Variants in INPP5A observed in about 807,000 individuals in gnomAD.
INPP5A encodes the protein inositol polyphosphate-5-phosphatase A, also known as 43 kDa inositol polyphosphate 5-phophatase.
In INPP5A, 14 loss-of-function variants were observed where a neutral mutation model predicts 65.2. That is an observed-to-expected ratio of 0.21 (90% CI 0.14 to 0.34). INPP5A has a LOEUF of 0.34. Ranked by LOEUF, INPP5A falls within the 10% of genes least tolerant of loss-of-function variation. The pLI is 1.00. For missense variants in INPP5A, 431 were observed against 545.6 expected, an observed-to-expected ratio of 0.79 and a Z score of 2.09; for synonymous variants, 207 against 208.3, an observed-to-expected ratio of 0.99 and a Z score of 0.05.
At chr10:132,634,304 G>T (rs1168632553) in intron 2 of INPP5A, among the ~76,000 whole-genome samples, 1 of 150,958 alleles carries the variant, frequency 6.6e-6, no homozygotes, top group East Asian at 2.0e-4. Flanking sequence ...CCCTTGGTGG[G>T]TGTGCCCCGG....
chr10:132,687,603 A>T (rs1795911912), intron 4 of INPP5A, among the ~76,000 whole-genome samples: 1 of 152,050 alleles, frequency 6.6e-6, no homozygotes, highest in Admixed American at 6.5e-5. Flanking sequence ...CGTCCCCTAG[A>T]CAGAAGGTCC....
At chr10:132,601,917 GTTC>G (rs976041848) in intron 1 of INPP5A, among the ~76,000 whole-genome samples, 4 of 152,184 alleles carry the variant, frequency 2.6e-5, no homozygotes, top group Admixed American at 6.5e-5. Context: ...TTTCCAATTT[GTTC>G]TTCTTTTTTA....
chr10:132,686,369 A>G (rs2073113746), intron 4 of INPP5A, among the ~76,000 whole-genome samples: 1 of 152,226 alleles, frequency 6.6e-6, no homozygotes, highest in Admixed American at 6.5e-5. Flanking sequence ...CAATACGTAA[A>G]AAGTATTTTG....
In INPP5A at chr10:132,727,216, G is replaced by A. The variant is rs998708810; in HGVS notation, c.732+311G>A. On this transcript the variant is annotated intron_variant, in intron 9 of 15. Transcript: ENST00000368594. This position sits in a 1 kb window ranked among gnomAD's most constrained non-coding sequence, Gnocchi z 6.5. Reference sequence around the variant, plus strand: ...AGTGCCGTCACAGCGCCACCCCCTCGATGCCCACAGAGCTGCAGCCTCTGC... The same window carrying A: ...AGTGCCGTCACAGCGCCACCCCCTCAATGCCCACAGAGCTGCAGCCTCTGC... 3.7e-5 allele frequency: 10 copies of A among 273,360 alleles called. No homozygotes were observed. Among genetic ancestry groups the A allele is most frequent in the Non-Finnish European group, 5.6e-5 (8 of 143,974 alleles). 16.9% of individuals were successfully genotyped at this position (273,360 alleles called of 1,614,324 possible). A position where few individuals can be genotyped will look rare whatever the true frequency, so the allele number is the denominator to read the frequency against.
At chr10:132,728,421 G>A (rs1167040874) in intron 9 of INPP5A, among the ~76,000 whole-genome samples, 2 of 152,238 alleles carry the variant, frequency 1.3e-5, no homozygotes, top group African/African-American at 2.4e-5. Context: ...CCATGTCCCC[G>A]CGTCCGAGGC....
Position 132,707,669 on chromosome 10 carries a change from C to A in INPP5A, c.475-644C>A, listed in dbSNP as rs1165909950. Among the ~76,000 whole-genome samples, 1 of 152,160 alleles carries A rather than the reference C, an allele frequency of 6.6e-6. No homozygotes were observed. The highest frequency in any genetic ancestry group is 1.5e-5 in the Non-Finnish European group (1 of 68,038). ...AGCCCTGCCACCTCTTAAAGAACAC[C>A]CCTCTTTGGAATCTCATGCTGTTGA... On this transcript the variant is annotated intron_variant, in intron 6 of 15. Coordinates refer to ENST00000368594, the MANE Select transcript of INPP5A (RefSeq NM_005539.5). This position sits in a 1 kb window ranked among gnomAD's most constrained non-coding sequence, Gnocchi z 5.5.
chr10:132,762,216 G>A lies in INPP5A; in HGVS notation c.904-3557G>A, dbSNP rs55856471. ...CACACTGGAGAGTCAATGGCTGGGC[G>A]TTTTCCAGAATTATCCAAGACATAA... On this transcript the variant is annotated intron_variant, in intron 11 of 15. Coordinates refer to ENST00000368594, the MANE Select transcript of INPP5A (RefSeq NM_005539.5). This position sits in a 1 kb window ranked among gnomAD's most constrained non-coding sequence, Gnocchi z 4.6. Among the ~76,000 whole-genome samples, 5,018 of 152,280 alleles carry A rather than the reference G, an allele frequency of 0.033. 116 individuals are homozygous for A. The highest frequency in any genetic ancestry group is 0.056 in the African/African-American group (2,316 of 41,540).
intron 11 of INPP5A, among the ~76,000 whole-genome samples, chr10:132,758,441 C>T (rs1040790979): frequency 1.3e-5 from 2 of 151,204 alleles, no homozygotes; most frequent in South Asian, 2.1e-4. Context: ...TTGGCTGACC[C>T]CACAGGCCAG....
chr10:132,657,616 G>A (rs1047076739), intron 4 of INPP5A, among the ~76,000 whole-genome samples: 4 of 152,200 alleles, frequency 2.6e-5, no homozygotes, highest in African/African-American at 9.7e-5. Flanking sequence ...TGCTTCCTGG[G>A]AGAGGCCCTT....
intron 4 of INPP5A, among the ~76,000 whole-genome samples, chr10:132,686,535 G>A (rs2073115500): frequency 6.6e-6 from 1 of 152,180 alleles, no homozygotes; most frequent in South Asian, 2.1e-4. Context: ...ATAAATGGGT[G>A]CCCTGAACCG....
intron 8 of INPP5A, among the ~76,000 whole-genome samples, chr10:132,718,903 C>T (rs547248324): frequency 6.6e-6 from 1 of 150,622 alleles, no homozygotes; most frequent in African/African-American, 2.4e-5. Context: ...GTCTGGACGC[C>T]TTAGACGGCT....
At chr10:132,543,248 C>T (rs2070928748) in intron 1 of INPP5A, among the ~76,000 whole-genome samples, 1 of 151,966 alleles carries the variant, frequency 6.6e-6, no homozygotes, top group African/African-American at 2.4e-5. Context: ...CGTCCCCCAG[C>T]CTCCCCACCC....
At chr10:132,735,165 C>T (rs868606630) in intron 9 of INPP5A, among the ~76,000 whole-genome samples, 2 of 152,186 alleles carry the variant, frequency 1.3e-5, no homozygotes, top group Non-Finnish European at 2.9e-5. Flanking sequence ...TGCAACCCCC[C>T]GTGTGGAGAT....
intron 9 of INPP5A, among the ~76,000 whole-genome samples, chr10:132,732,863 C>A (rs1846110454): frequency 6.6e-6 from 1 of 152,134 alleles, no homozygotes; most frequent in African/African-American, 2.4e-5. Flanking sequence ...AATGTGCGTG[C>A]CAGGTGGATC....
intron 1 of INPP5A, among the ~76,000 whole-genome samples, chr10:132,557,702 T>C (rs897706042): frequency 1.3e-5 from 2 of 152,124 alleles, no homozygotes; most frequent in Non-Finnish European, 2.9e-5. Context: ...GGTCAGACCA[T>C]ATTTGGGTTA....
intron 9 of INPP5A, among the ~76,000 whole-genome samples, chr10:132,745,302 C>T (rs919824055): frequency 2.0e-5 from 3 of 152,218 alleles, no homozygotes; most frequent in Admixed American, 6.5e-5. Flanking sequence ...TGTTGCCAGG[C>T]TCTGGCCCTA....
At chr10:132,657,638 C>G (rs923632578) in intron 4 of INPP5A, among the ~76,000 whole-genome samples, 1 of 152,252 alleles carries the variant, frequency 6.6e-6, no homozygotes, top group African/African-American at 2.4e-5. Flanking sequence ...TGCTTTCCCT[C>G]CTCCTCCTCT....
At chr10:132,606,112 T>C (rs1217156954) in intron 1 of INPP5A, among the ~76,000 whole-genome samples, 5 of 152,124 alleles carry the variant, frequency 3.3e-5, no homozygotes, top group Non-Finnish European at 5.9e-5. Flanking sequence ...GTGTTTAGGG[T>C]GGCTCCTGGG....
chr10:132,709,312 G>C (rs1157284991), intron 7 of INPP5A, among the ~76,000 whole-genome samples: 1 of 116,760 alleles, frequency 8.6e-6, no homozygotes, highest in African/African-American at 3.3e-5. Flanking sequence ...GGGGGAAGGA[G>C]GGGGAGGGGG....
Sources: gnomAD v4.1 joint callset for allele counts (sites outside exome capture counted in the v4.1 genomes callset) on GRCh38, gnomAD v4.1.1 for gene constraint, Gnocchi (gnomAD v3.1) non-coding constraint, MANE v1.5 for transcripts, NCBI Gene and HGNC (gene_info 2026-07-23, HGNC 2026-07-21) for gene names.